The following SLC16A3 variants were observed in gnomAD, a reference collection of about 807,000 sequenced individuals.
SLC16A3 encodes the protein solute carrier family 16 member 3, also known as monocarboxylate transporter 4.
A neutral mutation model predicts 25.0 loss-of-function variants in SLC16A3; 22 were observed. The observed-to-expected ratio is 0.88, with a 90% CI of 0.63 to 1.26. SLC16A3 has a LOEUF of 1.26. Among genes scored for constraint, SLC16A3 ranks in the 50% most tolerant of loss-of-function variants. SLC16A3 has a pLI of 0.00. For missense variants in SLC16A3, 731 were observed against 666.6 expected (o/e 1.10, Z -1.06); for synonymous variants, 390 against 309.2 (o/e 1.26, Z -2.74).
chr17:82,239,641 G>T lies in SLC16A3; in HGVS notation c.*665G>T. The T allele has an allele frequency of 3.6e-6, 1 of 279,226 alleles. No homozygotes were observed. Among genetic ancestry groups the T allele is most frequent in the Non-Finnish European group, 6.7e-6 (1 of 150,174 alleles). The allele number at this position is 279,226 out of a possible 1,614,324, so 17.3% of individuals were successfully genotyped here. On this transcript the variant is annotated 3_prime_UTR_variant, in exon 5 of 5. Transcript: ENST00000582743. ...GGGCAGGCGCTGCATGGAGGGGGCT[G>T]CGGGGCAGGTGCCTGGAGGCCGCTG...
intron 1 of SLC16A3, chr17:82,230,353 T>C (rs2050474456): frequency 6.6e-6 from 1 of 151,944 alleles, no homozygotes; most frequent in South Asian, 2.1e-4. Context: ...GTGGACAGAG[T>C]CTGGGGTGGG....
chr17:82,231,935 C>G (rs1050996789), intron 1 of SLC16A3: 9 of 152,366 alleles, frequency 5.9e-5, no homozygotes, highest in Admixed American at 5.2e-4. Flanking sequence ...CCTGCAAGCT[C>G]GGCCCCGACA....
At chr17:82,227,622 C>T (rs866464488), upstream of SLC16A3, among the ~76,000 whole-genome samples, 3 of 23,886 alleles carry the variant, frequency 1.3e-4, no homozygotes, top group African/African-American at 2.8e-4. Context: ...GCGGGAGCAC[C>T]ACCTGCCCTG....
At position 82,236,191 on chromosome 17, in the gene SLC16A3, C is replaced by T. The variant is rs373822410; in HGVS notation, c.183C>T (p.Ala61=). 3 of 1,612,902 alleles carry T rather than the reference C, an allele frequency of 1.9e-6. No individual in the cohort carries two copies. The highest frequency in any genetic ancestry group is 1.3e-5 in the African/African-American group (1 of 74,942). Residue 61 remains alanine (A), a synonymous_variant, in exon 2 of 5, where the codon GCC becomes GCT. Coordinates refer to ENST00000582743, the MANE Select transcript of SLC16A3 (RefSeq NM_004207.4). ...QEFGIGYSDT[A]WISSILLAML... is the part of the protein sequence containing the mutation. Reference sequence around the variant, plus strand: ...TTGGGATCGGCTACAGCGACACAGCCTGGATCTCCTCCATCCTGCTGGCCA... The same window carrying T: ...TTGGGATCGGCTACAGCGACACAGCTTGGATCTCCTCCATCCTGCTGGCCA...
chr17:82,236,995 C>T, intron 3 of SLC16A3, 123 bp downstream of exon 3: 1 of 1,472,952 alleles, frequency 6.8e-7, no homozygotes, highest in Non-Finnish European at 9.1e-7. Context: ...CCGGCCCCAC[C>T]TCGTTGTCCC....
Position 82,237,484 on chromosome 17 carries a change from GGTGCTGGGGC to G in SLC16A3, c.715_724del (p.Val239SerfsTer9). The G allele has an allele frequency of 6.2e-7, 1 of 1,610,526 alleles. No homozygotes were observed. The highest frequency in any genetic ancestry group is 8.5e-7 in the Non-Finnish European group (1 of 1,179,586). On this transcript the variant is annotated frameshift_variant, in exon 4 of 5. Transcript: ENST00000582743. LOFTEE classifies it high-confidence loss of function. ...TTTACGCCGTGGCCGCCTCGGTCAT[GGTGCTGGGGC>G]TCTTCGTCCCGCCCGTGTTCGTGGT... is the stretch of plus-strand genomic sequence containing the variant.
At position 82,236,883 on chromosome 17, in the gene SLC16A3, C is replaced by T; in HGVS notation, c.367+11C>T. 6.2e-7 allele frequency: 1 copy of T among 1,603,486 alleles called. No individual in the cohort carries two copies. On this transcript the variant is annotated intron_variant, in intron 3 of 4. Coordinates refer to ENST00000582743, the MANE Select transcript of SLC16A3 (RefSeq NM_004207.4). Reference sequence around the variant, plus strand: ...CTGGGGTCATCACGGGTGAGTGGGGCCGGCCGGTGGGCCGCACGTGCCAGG... The same window carrying T: ...CTGGGGTCATCACGGGTGAGTGGGGTCGGCCGGTGGGCCGCACGTGCCAGG...
At chr17:82,227,574 G>GCA (rs796485231), upstream of SLC16A3, among the ~76,000 whole-genome samples, 23 of 143,464 alleles carry the variant, frequency 1.6e-4, no homozygotes, top group African/African-American at 5.3e-4. Flanking sequence ...GAAGATGGGA[G>GCA]CACCACCTGC....
chr17:82,224,839 C>T (rs549325435), upstream of SLC16A3, among the ~76,000 whole-genome samples: 10 of 152,302 alleles, frequency 6.6e-5, no homozygotes, highest in African/African-American at 1.7e-4. Context: ...CCTCTCATAA[C>T]CCTACACCAT....
chr17:82,235,709 C>CT (rs1436440657), intron 1 of SLC16A3: 3 of 496,606 alleles, frequency 6.0e-6, no homozygotes, highest in Non-Finnish European at 1.1e-5. Flanking sequence ...AGGAGGTAAT[C>CT]TGAGTCCTGG....
At chr17:82,236,620 G>A (rs2147129467) in intron 2 of SLC16A3, 109 bp from the exon 3 acceptor site, 2 of 1,469,538 alleles carry the variant, frequency 1.4e-6, no homozygotes, top group East Asian at 2.3e-5. Context: ...CCCCGCGGGG[G>A]GAGGGGTGGT....
chr17:82,231,979 G>C (rs2050503772), intron 1 of SLC16A3: 1 of 152,332 alleles, frequency 6.6e-6, no homozygotes, highest in Admixed American at 6.5e-5. Context: ...GCTGCCGGGA[G>C]TTGCTCACTG....
upstream of SLC16A3, among the ~76,000 whole-genome samples, chr17:82,223,469 G>C (rs946567427): frequency 1.3e-5 from 2 of 152,008 alleles, no homozygotes; most frequent in Admixed American, 1.3e-4. Flanking sequence ...GATTATAGGC[G>C]TGAGCCACTG....
chr17:82,220,337 G>T (rs1014305129), intron 1 of SLC16A3, among the ~76,000 whole-genome samples: 1 of 152,176 alleles, frequency 6.6e-6, no homozygotes, highest in African/African-American at 2.4e-5. Context: ...AGGGGCTGGG[G>T]TAGGGCTCCA....
chr17:82,231,714 A>T (rs56043453), intron 1 of SLC16A3: 120,268 of 152,374 alleles, frequency 0.79, 48,007 homozygotes, highest in East Asian at 0.95. Context: ...GCCCAGCCCC[A>T]CTTGGGGCAC....
rs1356043157 is a variant in SLC16A3, at chr17:82,237,748, C to T, written c.978C>T (p.Ile326=). ...GDYGGLVVFC[I]FFGISYGMVG... ...ACGGCGGCCTCGTGGTCTTCTGCATCTTCTTTGGCATCTCCTACGGCATGG... is the reference window on the plus strand; with the variant it reads ...ACGGCGGCCTCGTGGTCTTCTGCATTTTCTTTGGCATCTCCTACGGCATGG... The change falls in exon 4 of 5, where the codon ATC becomes ATT. Residue 326 remains isoleucine (I), a synonymous_variant. Coordinates refer to ENST00000582743, the MANE Select transcript of SLC16A3 (RefSeq NM_004207.4). 1.9e-6 allele frequency: 3 copies of T among 1,612,060 alleles called. No individual in the cohort carries two copies. Among genetic ancestry groups the T allele is most frequent in the Non-Finnish European group, 2.5e-6 (3 of 1,179,980 alleles).
At position 82,239,841 on chromosome 17, in the gene SLC16A3, G is replaced by A; in HGVS notation, c.*865G>A. 1 of 450,426 alleles carries A rather than the reference G, an allele frequency of 2.2e-6. No homozygotes were observed. Among genetic ancestry groups the A allele is most frequent in the Non-Finnish European group, 3.6e-6 (1 of 274,574 alleles). 27.9% of individuals were successfully genotyped at this position (450,426 alleles called of 1,614,324 possible). On this transcript the variant is annotated 3_prime_UTR_variant, in exon 5 of 5. Transcript: ENST00000582743. The stretch of plus-strand genomic sequence containing the variant: ...GTGCGTGGTGTGGTCAGTGCCCAGG[G>A]CTGGTCTTTGCACCCTGTCCTCCAT...
intron 1 of SLC16A3, among the ~76,000 whole-genome samples, chr17:82,222,722 G>C (rs1316942407): frequency 6.7e-6 from 1 of 149,244 alleles, no homozygotes. Context: ...AGAATCACTC[G>C]AACCAGGGAG....
chr17:82,228,843 CG>C (rs1165760670), upstream of SLC16A3, among the ~76,000 whole-genome samples: 1 of 150,540 alleles, frequency 6.6e-6, no homozygotes, highest in Non-Finnish European at 1.5e-5. Context: ...CCGACGGGGC[CG>C]GTTCCGGTTG....
Sources: gnomAD v4.1 joint callset for allele counts (sites outside exome capture counted in the v4.1 genomes callset) on GRCh38, gnomAD v4.1.1 for gene constraint, MANE v1.5 for transcripts, NCBI Gene and HGNC (gene_info 2026-07-23, HGNC 2026-07-21) for gene names.